CPNE8: variants seen among roughly 807,000 people sequenced by gnomAD.
The protein encoded by CPNE8 is copine-8.
In CPNE8, 45 loss-of-function variants were observed where a neutral mutation model predicts 81.5. The observed-to-expected ratio is 0.55, with a 90% confidence interval of 0.44 to 0.71. CPNE8 has a LOEUF of 0.71. Among genes scored for constraint, CPNE8 ranks in the 30% least tolerant of loss-of-function variants. CPNE8 has a pLI of 0.00. For missense variants in CPNE8, 594 were observed against 672.1 expected (o/e 0.88, Z 1.28); for synonymous variants, 252 against 226.3 (o/e 1.11, Z -1.02).
At chr12:38,801,471 AC>A (rs1254392413) in intron 6 of CPNE8, among the ~76,000 whole-genome samples, 2 of 44,380 alleles carry the variant, frequency 4.5e-5, no homozygotes, top group Non-Finnish European at 8.2e-5. Context: ...AGATTTTGTC[AC>A]CACCAGGCCT....
At position 38,845,906 on chromosome 12, in the gene CPNE8, G is replaced by T. The variant is rs573450970; in HGVS notation, c.290+2653C>A. Among the ~76,000 whole-genome samples the T allele has an allele frequency of 2.0e-5, 3 of 152,210 alleles. No individual in the cohort carries two copies. The South Asian group carries it at 6.2e-4, about 32-fold the overall frequency. Reference sequence around the variant, plus strand: ...ATCATATAAAATGGAGATGTTCTTTGAATTGAATTTCTGAAACTAACAAAA... The same window carrying T: ...ATCATATAAAATGGAGATGTTCTTTTAATTGAATTTCTGAAACTAACAAAA... On this transcript the variant is annotated intron_variant, in intron 4 of 19. Coordinates refer to ENST00000331366, the MANE Select transcript of CPNE8 (RefSeq NM_153634.3).
At chr12:38,891,829 A>G (rs1407549768) in intron 1 of CPNE8, among the ~76,000 whole-genome samples, 1 of 152,268 alleles carries the variant, frequency 6.6e-6, no homozygotes, top group East Asian at 1.9e-4. Flanking sequence ...TCATTCTTCC[A>G]ATCTATCAAG....
At chr12:38,849,474 G>T (rs569708742) in intron 3 of CPNE8, among the ~76,000 whole-genome samples, 1 of 152,180 alleles carries the variant, frequency 6.6e-6, no homozygotes, top group East Asian at 1.9e-4. Flanking sequence ...GCAATATTAG[G>T]CAATGAAGCA....
intron 18 of CPNE8, among the ~76,000 whole-genome samples, chr12:38,672,680 G>T (rs2136645267): frequency 6.6e-6 from 1 of 152,298 alleles, no homozygotes; most frequent in East Asian, 1.9e-4. Flanking sequence ...TAAGTATAAA[G>T]AAATCTTGCT....
chr12:38,658,053 C>T (rs74317769), intron 19 of CPNE8, among the ~76,000 whole-genome samples: 273 of 152,188 alleles, frequency 1.8e-3, no homozygotes, highest in Non-Finnish European at 3.3e-3. Flanking sequence ...ATGAGTTTGA[C>T]GAGTTGACAG....
At chr12:38,654,203 AATT>A in intron 19 of CPNE8, 133 bp from the exon 20 acceptor site, 1 of 1,206,128 alleles carries the variant, frequency 8.3e-7, no homozygotes, top group Non-Finnish European at 1.1e-6. Flanking sequence ...GATGGATAAC[AATT>A]ATTATACATT....
intron 4 of CPNE8, among the ~76,000 whole-genome samples, chr12:38,845,964 T>C (rs1170897893): frequency 1.3e-5 from 2 of 152,228 alleles, no homozygotes; most frequent in Non-Finnish European, 2.9e-5. Context: ...ACTTATTTAA[T>C]TCCATTTTGC....
chr12:38,784,581 C>T (rs944345132), intron 6 of CPNE8, among the ~76,000 whole-genome samples: 2 of 152,072 alleles, frequency 1.3e-5, no homozygotes, highest in African/African-American at 4.8e-5. Flanking sequence ...ATGTAGTAAT[C>T]AAACTCCCAA....
Position 38,829,454 on chromosome 12 carries a change from T to G in CPNE8, c.332A>C (p.Asp111Ala). ...DSKSPNLSKHDFLGQVFCTLG... is the reference protein window; with the variant it reads ...DSKSPNLSKHAFLGQVFCTLG... ...TGTACAAAACACTTGTCCCAGAAAG[T>G]CCTGAAATAGATAAAAAGATTAAAG... Residue 111 changes from aspartate (D) to alanine (A), a missense_variant and splice_region_variant, in exon 6 of 20, where the codon GAC becomes GCC. Transcript: ENST00000331366. 6.2e-7 allele frequency: 1 copy of G among 1,608,950 alleles called. No individual in the cohort carries two copies. The highest frequency in any genetic ancestry group is 8.5e-7 in the Non-Finnish European group (1 of 1,175,542).
intron 14 of CPNE8, among the ~76,000 whole-genome samples, chr12:38,696,736 G>A (rs192952741): frequency 6.2e-4 from 94 of 152,198 alleles, no homozygotes; most frequent in Non-Finnish European, 1.0e-3. Context: ...CATAAGTTAC[G>A]TATTAACCAT....
At chr12:38,846,612 T>C (rs1943564383) in intron 4 of CPNE8, among the ~76,000 whole-genome samples, 1 of 152,080 alleles carries the variant, frequency 6.6e-6, no homozygotes, top group Non-Finnish European at 1.5e-5. Flanking sequence ...TTTTTCCCCC[T>C]GGCCTGTTGA....
intron 10 of CPNE8, among the ~76,000 whole-genome samples, chr12:38,735,960 T>C (rs1048293047): frequency 6.6e-6 from 1 of 151,868 alleles, no homozygotes; most frequent in Admixed American, 6.6e-5. Flanking sequence ...TTTGCTGATA[T>C]TTTAAATCAT....
chr12:38,766,540 T>A (rs536258023), intron 8 of CPNE8, among the ~76,000 whole-genome samples: 24 of 152,306 alleles, frequency 1.6e-4, no homozygotes, highest in African/African-American at 5.3e-4. Context: ...GCTCAGTAGC[T>A]GCATCAACAA....
At position 38,785,078 on chromosome 12, in the gene CPNE8, C is replaced by A. The variant is rs1389266885; in HGVS notation, c.408-8777G>T. Among the ~76,000 whole-genome samples, 6 of 151,924 alleles carry A rather than the reference C, an allele frequency of 3.9e-5. No individual in the cohort carries two copies. The East Asian group carries it at 1.2e-3, about 29-fold the overall frequency. On this transcript the variant is annotated intron_variant, in intron 6 of 19. Coordinates refer to ENST00000331366, the MANE Select transcript of CPNE8 (RefSeq NM_153634.3). ...GGTGCGATGGCACGTGCCTGTAGTT[C>A]CAGCTATTCAGAAGGCTGAGGCAAG...
At chr12:38,818,774 C>T (rs1943066982) in intron 6 of CPNE8, among the ~76,000 whole-genome samples, 1 of 152,222 alleles carries the variant, frequency 6.6e-6, no homozygotes, top group South Asian at 2.1e-4. Context: ...TCCTATTTCT[C>T]CACATTCTCT....
intron 1 of CPNE8, among the ~76,000 whole-genome samples, chr12:38,897,917 C>T (rs974979722): frequency 6.6e-6 from 1 of 152,094 alleles, no homozygotes; most frequent in Non-Finnish European, 1.5e-5. Context: ...CCCCACTTTA[C>T]AGATGAGGAA....
In CPNE8 at chr12:38,847,119, A is replaced by G. The variant is rs773164658; in HGVS notation, c.290+1440T>C. Among the ~76,000 whole-genome samples the G allele has an allele frequency of 2.0e-5, 3 of 152,020 alleles. No homozygotes were observed. The South Asian group carries it at 6.2e-4, about 32-fold the overall frequency. ...GGGAGGGGAGGCAATGCTTTTTTGT[A>G]TTAGGATAAAAGGAAGCTTTCATTT... On this transcript the variant is annotated intron_variant, in intron 4 of 19. Coordinates refer to ENST00000331366, the MANE Select transcript of CPNE8 (RefSeq NM_153634.3).
chr12:38,797,219 G>C (rs896083096), intron 6 of CPNE8, among the ~76,000 whole-genome samples: 3 of 152,202 alleles, frequency 2.0e-5, no homozygotes, highest in Non-Finnish European at 4.4e-5. Context: ...CTCAGCTGGA[G>C]ATCTGAGAAC....
chr12:38,893,124 CTGTT>C (rs1302775433), intron 1 of CPNE8, among the ~76,000 whole-genome samples: 1 of 152,084 alleles, frequency 6.6e-6, no homozygotes, highest in Non-Finnish European at 1.5e-5. Context: ...CAAAGTTAAA[CTGTT>C]TGGAGGAAAT....
Sources: allele counts gnomAD v4.1 joint callset (sites outside exome capture counted in the v4.1 genomes callset), GRCh38; gene constraint gnomAD v4.1.1; transcripts MANE v1.5; gene names NCBI Gene and HGNC (gene_info 2026-07-23, HGNC 2026-07-21).